Variants in POC1A observed in about 807,000 individuals in gnomAD.
POC1A encodes the protein POC1 centriolar protein A, also known as POC1 centriolar protein homolog A.
In POC1A, 34 loss-of-function variants were observed where a neutral mutation model predicts 47.8. The ratio of observed to expected loss-of-function variants is 0.71; its 90% CI spans 0.54 to 0.95. POC1A has a LOEUF of 0.95. Ranked by LOEUF, POC1A falls within the 40% of genes least tolerant of loss-of-function variation. The pLI is 0.00. For missense variants in POC1A, 466 were observed against 528.3 expected, an observed-to-expected ratio of 0.88 and a Z score of 1.16; for synonymous variants, 177 against 207.6, an observed-to-expected ratio of 0.85 and a Z score of 1.27.
chr3:52,116,824 G>A (rs1044395271), intron 9 of POC1A, among the ~76,000 whole-genome samples: 2 of 152,094 alleles, frequency 1.3e-5, no homozygotes, highest in African/African-American at 4.8e-5. Context: ...GCAGAGGCAG[G>A]AGAACTGCTT....
rs543164159 is a variant in POC1A, at chr3:52,079,360, C to T, written c.1126-3375G>A. On this transcript the variant is annotated intron_variant, in intron 10 of 10. Coordinates refer to ENST00000296484, the MANE Select transcript of POC1A (RefSeq NM_015426.5). This position sits in a 1 kb window ranked among gnomAD's most constrained non-coding sequence, Gnocchi z 4.6. ...TCCAGCCCGGGAATTATCCTGCTAC[C>T]AGCGCCTGTCCTCACCAGGCTGGAG... Among the ~76,000 whole-genome samples, 2 of 152,364 alleles carry T rather than the reference C, an allele frequency of 1.3e-5. No homozygotes were observed. The highest frequency in any genetic ancestry group is 4.1e-4 in the South Asian group (2 of 4,834).
chr3:52,096,780 C>A (rs1340604533), intron 9 of POC1A, 68 bp from the exon 10 acceptor site: 7 of 1,362,720 alleles, frequency 5.1e-6, no homozygotes, highest in South Asian at 1.5e-5. Flanking sequence ...AGAGGAATAG[C>A]CCCTCCAAAG....
chr3:52,117,918 G>A (rs1703627692), intron 9 of POC1A, among the ~76,000 whole-genome samples: 1 of 152,218 alleles, frequency 6.6e-6, no homozygotes, highest in Non-Finnish European at 1.5e-5. Flanking sequence ...GGGTTTGGGA[G>A]GTGTTAAATT....
chr3:52,103,056 T>C (rs1703052191), intron 9 of POC1A, among the ~76,000 whole-genome samples: 1 of 152,256 alleles, frequency 6.6e-6, no homozygotes, highest in Admixed American at 6.5e-5. Context: ...TCTAGACCAG[T>C]ATCCGGCCAG....
intron 2 of POC1A, among the ~76,000 whole-genome samples, chr3:52,150,592 G>A (rs1698525207): frequency 6.6e-6 from 1 of 152,074 alleles, no homozygotes; most frequent in Non-Finnish European, 1.5e-5. Flanking sequence ...GTCGAGGGGG[G>A]TGCCCATCTC....
chr3:52,104,538 A>G (rs991919208), intron 9 of POC1A, among the ~76,000 whole-genome samples: 7 of 152,210 alleles, frequency 4.6e-5, no homozygotes, highest in Non-Finnish European at 8.8e-5. Context: ...TAGGGGACCA[A>G]CCTACCCATC....
At chr3:52,101,090 C>CAAAA (rs146285042) in intron 9 of POC1A, among the ~76,000 whole-genome samples, 3 of 56,976 alleles carry the variant, frequency 5.3e-5, no homozygotes, top group African/African-American at 6.2e-5. Context: ...CAACCCTCAG[C>CAAAA]AAAAAAAAAA....
Position 52,093,754 on chromosome 3 carries a change from G to A in POC1A, c.1125+2815C>T, listed in dbSNP as rs1284448250. Among the ~76,000 whole-genome samples, 6 of 152,300 alleles carry A rather than the reference G, an allele frequency of 3.9e-5. No individual in the cohort carries two copies. In the South Asian group the frequency reaches 6.2e-4, roughly 16 times the overall value. On this transcript the variant is annotated intron_variant, in intron 10 of 10. Coordinates refer to ENST00000296484, the MANE Select transcript of POC1A (RefSeq NM_015426.5). ...GGCCTTTCCTTTACACAGAGGAGCC[G>A]CTGAAGGGGTCACCCTGGGGAGGAC... is the stretch of plus-strand genomic sequence containing the variant.
intron 10 of POC1A, among the ~76,000 whole-genome samples, chr3:52,078,572 G>A (rs963931074): frequency 6.9e-6 from 1 of 145,588 alleles, no homozygotes; most frequent in African/African-American, 2.6e-5. Flanking sequence ...GTGCAGTGGC[G>A]CGATCTCGGC....
chr3:52,153,883 G>A (rs1698634756), intron 1 of POC1A, among the ~76,000 whole-genome samples: 1 of 152,248 alleles, frequency 6.6e-6, no homozygotes, highest in South Asian at 2.1e-4. Flanking sequence ...TCGAAATGAG[G>A]ACTTCTGGAG....
At chr3:52,089,421 C>T (rs1201576736) in intron 10 of POC1A, among the ~76,000 whole-genome samples, 1 of 152,152 alleles carries the variant, frequency 6.6e-6, no homozygotes, top group Non-Finnish European at 1.5e-5. Flanking sequence ...AGAAGGAAAA[C>T]AAGCCTCTTG....
intron 6 of POC1A, among the ~76,000 whole-genome samples, chr3:52,143,682 G>GGT (rs1698271615): frequency 6.6e-6 from 1 of 152,068 alleles, no homozygotes; most frequent in Non-Finnish European, 1.5e-5. Flanking sequence ...CCCCCACTCT[G>GGT]ATGCCAGCCC....
rs1015956730 is a variant in POC1A, at chr3:52,079,950, G to A, written c.1126-3965C>T. ...AAGTCCTCCATGTAATTGGGGTGTG[G>A]AGCTTAAACATGAGGGGGACCAGCA... On this transcript the variant is annotated intron_variant, in intron 10 of 10. Transcript: ENST00000296484. This position sits in a 1 kb window ranked among gnomAD's most constrained non-coding sequence, Gnocchi z 4.6. Among the ~76,000 whole-genome samples, 1 of 152,166 alleles carries A rather than the reference G, an allele frequency of 6.6e-6. No individual in the cohort carries two copies. Among genetic ancestry groups the A allele is most frequent in the Non-Finnish European group, 1.5e-5 (1 of 68,022 alleles).
chr3:52,095,898 C>T (rs148614471), intron 10 of POC1A, among the ~76,000 whole-genome samples: 14 of 152,356 alleles, frequency 9.2e-5, no homozygotes, highest in East Asian at 3.9e-4. Context: ...TGCTACACTA[C>T]GAGCCTGTGT....
At chr3:52,128,852 C>T (rs1704109750) in intron 7 of POC1A, among the ~76,000 whole-genome samples, 1 of 152,174 alleles carries the variant, frequency 6.6e-6, no homozygotes, top group Non-Finnish European at 1.5e-5. Flanking sequence ...TTTAAGGCTA[C>T]AAATTTGCCT....
At chr3:52,146,199 G>A (rs151282896) in intron 5 of POC1A, among the ~76,000 whole-genome samples, 5 of 152,328 alleles carry the variant, frequency 3.3e-5, no homozygotes, top group Admixed American at 6.5e-5. Context: ...ACATCCCACC[G>A]CCAATTTTCA....
chr3:52,128,129 T>C (rs1235112857), intron 7 of POC1A, among the ~76,000 whole-genome samples: 9 of 152,192 alleles, frequency 5.9e-5, no homozygotes, highest in Non-Finnish European at 1.2e-4. Flanking sequence ...ACATGGAATG[T>C]CAAAAAAGAT....
chr3:52,093,008 C>A (rs917079345), intron 10 of POC1A, among the ~76,000 whole-genome samples: 5 of 152,204 alleles, frequency 3.3e-5, no homozygotes, highest in Non-Finnish European at 5.9e-5. Context: ...CATGATAGCA[C>A]TGCCCTTGCT....
At chr3:52,139,403 C>T (rs556751356) in intron 6 of POC1A, among the ~76,000 whole-genome samples, 144 of 152,190 alleles carry the variant, frequency 9.5e-4, no homozygotes, top group Non-Finnish European at 1.7e-3. Context: ...TTTCTGGTGT[C>T]CCTCACTCTC....
Sources: allele counts gnomAD v4.1 joint callset (sites outside exome capture counted in the v4.1 genomes callset), GRCh38; gene constraint gnomAD v4.1.1; non-coding constraint Gnocchi (gnomAD v3.1); transcripts MANE v1.5; gene names NCBI Gene and HGNC (gene_info 2026-07-23, HGNC 2026-07-21).